The following ENTPD7 variants were observed in gnomAD, a reference collection of about 807,000 sequenced individuals.
ENTPD7 encodes NTPDase 7.
Under a neutral mutation model 77.9 loss-of-function variants are expected in ENTPD7, and 53 were observed. The ratio of observed to expected loss-of-function variants is 0.68; its 90% CI spans 0.55 to 0.85. ENTPD7 has a LOEUF of 0.85. Ranked by LOEUF, ENTPD7 falls within the 40% of genes least tolerant of loss-of-function variation. ENTPD7 has a pLI of 0.00. For missense variants in ENTPD7, 636 were observed against 743.7 expected, an observed-to-expected ratio of 0.86 and a Z score of 1.68; for synonymous variants, 248 against 274.9, an observed-to-expected ratio of 0.90 and a Z score of 0.97.
intron 3 of ENTPD7, among the ~76,000 whole-genome samples, chr10:99,670,337 C>T (rs2035605344): frequency 6.6e-6 from 1 of 152,188 alleles, no homozygotes; most frequent in African/African-American, 2.4e-5. Flanking sequence ...TGGGACAGTG[C>T]AGATAGAGAA....
intron 3 of ENTPD7, among the ~76,000 whole-genome samples, chr10:99,663,493 C>T (rs112917504): frequency 0.011 from 1,585 of 148,366 alleles, 14 homozygotes; most frequent in Admixed American, 0.014. Context: ...GACTATCTCG[C>T]GCATCTCCCA....
At chr10:99,670,178 C>T (rs1047089599) in intron 3 of ENTPD7, among the ~76,000 whole-genome samples, 1 of 152,142 alleles carries the variant, frequency 6.6e-6, no homozygotes, top group Non-Finnish European at 1.5e-5. Flanking sequence ...CAACAATTAT[C>T]GAGTGTCTAC....
At chr10:99,672,246 A>C (rs1188129333) in intron 3 of ENTPD7, among the ~76,000 whole-genome samples, 3 of 151,794 alleles carry the variant, frequency 2.0e-5, no homozygotes, top group African/African-American at 7.3e-5. Flanking sequence ...TGGCCTCCCA[A>C]AGTGCTGGGA....
intron 5 of ENTPD7, among the ~76,000 whole-genome samples, chr10:99,684,031 C>T (rs1341812973): frequency 6.6e-6 from 1 of 152,050 alleles, no homozygotes; most frequent in Non-Finnish European, 1.5e-5. Flanking sequence ...CCTGGATTGC[C>T]CTTTAGAAAG....
rs781507848 is a variant in ENTPD7 at position 99,698,850 on chromosome 10, G to A, written c.1327G>A (p.Ala443Thr). The A allele has an allele frequency of 6.3e-7, 1 of 1,595,760 alleles. No homozygotes were observed. Among genetic ancestry groups the A allele is most frequent in the Non-Finnish European group, 8.5e-7 (1 of 1,170,586 alleles). The change falls in exon 10 of 13, where the codon GCT (alanine) becomes ACT (threonine). Residue 443 changes from alanine (A) to threonine (T), a missense_variant. By Grantham distance (58) the Ala-to-Thr change is moderately conservative. Around this residue, in one of 3 missense-constraint regions of ENTPD7, gnomAD observed 486 missense variants for 556.5 expected, o/e 0.87. Transcript: ENST00000370489. ...CTACCATGGGCCAACATTTGCCAAG[G>A]CTGCTCAGGTAAATTATTAATGATA... is the stretch of plus-strand genomic sequence containing the variant. ...GRYHGPTFAK[A>T]AQDYCGMAWS... is the part of the protein sequence containing the mutation.
chr10:99,699,657 C>T (rs531218859), intron 10 of ENTPD7, among the ~76,000 whole-genome samples: 53 of 152,240 alleles, frequency 3.5e-4, no homozygotes, highest in Admixed American at 1.8e-3. Flanking sequence ...CTCTGCCTTC[C>T]GGGTTCAAGT....
At chr10:99,679,572 TG>T in intron 4 of ENTPD7, 106 bp downstream of exon 4, 1 of 1,429,384 alleles carries the variant, frequency 7.0e-7, no homozygotes, top group Non-Finnish European at 9.4e-7. Flanking sequence ...GTCTGGGTAA[TG>T]GGAGGGATAT....
rs185495603 is a variant in ENTPD7, at chr10:99,679,208, G to A, written c.192-53G>A. 3.9e-5 allele frequency: 61 copies of A among 1,554,956 alleles called. No homozygotes were observed. In the East Asian group the frequency reaches 6.5e-4, roughly 17 times the overall value. Reference sequence around the variant, plus strand: ...ATGAACAAATGAAGTAAGTGAGGGCGCCTTTCATGGACCTGACTGCTTAGC... The same window carrying A: ...ATGAACAAATGAAGTAAGTGAGGGCACCTTTCATGGACCTGACTGCTTAGC... On this transcript the variant is annotated intron_variant, in intron 3 of 12. Coordinates refer to ENST00000370489, the MANE Select transcript of ENTPD7 (RefSeq NM_020354.5).
intron 8 of ENTPD7, among the ~76,000 whole-genome samples, chr10:99,694,575 C>T (rs1265037430): frequency 7.8e-6 from 1 of 128,166 alleles, no homozygotes; most frequent in African/African-American, 3.0e-5. Flanking sequence ...TCACTCTTGT[C>T]ACTCAGGCTG....
chr10:99,660,454 T>C, intron 2 of ENTPD7: 2 of 926,796 alleles, frequency 2.2e-6, no homozygotes, highest in Non-Finnish European at 3.0e-6. Flanking sequence ...AGTTATAAAA[T>C]AAAGTGGGGG....
chr10:99,660,480 C>A, intron 2 of ENTPD7: 1 of 635,816 alleles, frequency 1.6e-6, no homozygotes, highest in Non-Finnish European at 2.5e-6. Context: ...TGCAGAACAG[C>A]AGGTATGGTG....
chr10:99,700,478 C>G (rs1301864952), intron 10 of ENTPD7, among the ~76,000 whole-genome samples: 12 of 151,044 alleles, frequency 7.9e-5, no homozygotes, highest in Non-Finnish European at 1.2e-4. Context: ...AGAATGTAAG[C>G]TTCCTGAGGA....
At position 99,704,474 on chromosome 10, in the gene ENTPD7, C is replaced by G. The variant is rs553461931; in HGVS notation, c.1606C>G (p.Arg536Gly). 6.2e-7 allele frequency: 1 copy of G among 1,614,194 alleles called. No homozygotes were observed. The highest frequency in any genetic ancestry group is 1.3e-5 in the African/African-American group (1 of 75,044). ...TAGGGATCTTCGGCAGGAAGGTGTC[C>G]GACAAGCCCATGGTAGCTGGTTCCG... ...PLRDLRQEGV[R>G]QAHGSWFRLS... The change falls in exon 13 of 13, where the codon CGA (arginine) becomes GGA (glycine). Residue 536 changes from arginine (R) to glycine (G), a missense_variant. Arg to Gly is a moderately radical substitution (Grantham distance 125). Around this residue, in one of 3 missense-constraint regions of ENTPD7, gnomAD observed 138 missense variants for 150.9 expected, o/e 0.91. Coordinates refer to ENST00000370489, the MANE Select transcript of ENTPD7 (RefSeq NM_020354.5).
chr10:99,702,420 A>C (rs946729872), intron 11 of ENTPD7, 92 bp from the exon 12 acceptor site: 3 of 1,155,012 alleles, frequency 2.6e-6, no homozygotes, highest in Non-Finnish European at 3.5e-6. Flanking sequence ...AGGTCTTTTA[A>C]TAACTTGTGG....
At position 99,710,196 on chromosome 10, in the gene ENTPD7, C is replaced by T; in HGVS notation, c.*5513C>T. The stretch of plus-strand genomic sequence containing the variant: ...TTCCTAAGTGGCCCCTCCTACAGAG[C>T]ACTTGCCGGCATTTGGCCTGCTGCT... On this transcript the variant is annotated 3_prime_UTR_variant, in exon 13 of 13. Coordinates refer to ENST00000370489, the MANE Select transcript of ENTPD7 (RefSeq NM_020354.5). 10 of 985,438 alleles carry T rather than the reference C, an allele frequency of 1.0e-5. No individual in the cohort carries two copies. Among genetic ancestry groups the T allele is most frequent in the Non-Finnish European group, 1.2e-5 (10 of 829,930 alleles). The allele number at this position is 985,438 out of a possible 1,614,324, so 61.0% of individuals were successfully genotyped here.
At chr10:99,689,125 A>G (rs2035849919) in intron 7 of ENTPD7, among the ~76,000 whole-genome samples, 1 of 152,154 alleles carries the variant, frequency 6.6e-6, no homozygotes, top group Admixed American at 6.5e-5. Context: ...GTATGTATCT[A>G]CAACAGATAA....
At chr10:99,687,259 C>CTTTTTTTTTTTTTTTTTTT (rs71009768) in intron 6 of ENTPD7, among the ~76,000 whole-genome samples, 1 of 29,522 alleles carries the variant, frequency 3.4e-5, no homozygotes, top group Non-Finnish European at 5.6e-5. Context: ...TTCTTTCTTT[C>CTTTTTTTTTTTTTTTTTTT]TTTTTTTTTT....
At chr10:99,701,645 A>G (rs1049991882) in intron 11 of ENTPD7, among the ~76,000 whole-genome samples, 3 of 152,114 alleles carry the variant, frequency 2.0e-5, no homozygotes, top group African/African-American at 7.2e-5. Context: ...ATAGAAAAGT[A>G]GAGAGAATAG....
chr10:99,709,435 C>CT lies in ENTPD7; in HGVS notation c.*4752_*4753insT. On this transcript the variant is annotated 3_prime_UTR_variant, in exon 13 of 13. Transcript: ENST00000370489. ...TAGCTCCAGATTCCAGCCCCTGGGGCAATAACTTGTGAGGATTTTCCTGGT... is the reference window on the plus strand; with the variant it reads ...TAGCTCCAGATTCCAGCCCCTGGGGCTAATAACTTGTGAGGATTTTCCTGGT... 2 of 985,326 alleles carry CT rather than the reference C, an allele frequency of 2.0e-6. No individual in the cohort carries two copies. Among genetic ancestry groups the CT allele is most frequent in the Non-Finnish European group, 2.4e-6 (2 of 829,912 alleles). 61.0% of individuals were successfully genotyped at this position (985,326 alleles called of 1,614,324 possible).
Sources: allele counts gnomAD v4.1 joint callset (sites outside exome capture counted in the v4.1 genomes callset), GRCh38; gene constraint gnomAD v4.1.1; regional missense constraint gnomAD v4.1.1; transcripts MANE v1.5; gene names NCBI Gene and HGNC (gene_info 2026-07-23, HGNC 2026-07-21).